The following FAM178B variants were observed in gnomAD, a reference collection of about 807,000 sequenced individuals.
FAM178B encodes protein FAM178B.
A neutral mutation model predicts 91.7 loss-of-function variants in FAM178B; 82 were observed. The observed-to-expected ratio is 0.89, with a 90% confidence interval of 0.75 to 1.07. FAM178B has a LOEUF of 1.07. Among genes scored for constraint, FAM178B ranks in the 50% least tolerant of loss-of-function variants. FAM178B has a pLI of 0.00. For missense variants in FAM178B, 769 were observed against 846.7 expected, an observed-to-expected ratio of 0.91 and a Z score of 1.14; for synonymous variants, 368 against 359.4, an observed-to-expected ratio of 1.02 and a Z score of -0.27.
chr2:96,946,938 C>T (rs1396635229), intron 8 of FAM178B, among the ~76,000 whole-genome samples: 1 of 152,202 alleles, frequency 6.6e-6, no homozygotes, highest in Non-Finnish European at 1.5e-5. Flanking sequence ...TCAGCCAACT[C>T]CTGAAGCAGA....
At chr2:96,947,524 C>T (rs2081850031) in intron 8 of FAM178B, among the ~76,000 whole-genome samples, 1 of 152,206 alleles carries the variant, frequency 6.6e-6, no homozygotes, top group Non-Finnish European at 1.5e-5. Flanking sequence ...TAGAGACTGT[C>T]TCAGTCTGAA....
intron 1 of FAM178B, among the ~76,000 whole-genome samples, chr2:96,981,924 TG>T (rs1160061593): frequency 2.6e-5 from 4 of 151,602 alleles, no homozygotes; most frequent in Non-Finnish European, 4.4e-5. Flanking sequence ...AAAAATTAGC[TG>T]GGCATGGTGG....
At chr2:96,943,993 A>G (rs1206139884) in intron 8 of FAM178B, among the ~76,000 whole-genome samples, 3 of 152,136 alleles carry the variant, frequency 2.0e-5, no homozygotes, top group Non-Finnish European at 2.9e-5. Flanking sequence ...CTCTAATCCC[A>G]GCACTTTAGG....
chr2:96,878,708 T>C (rs1344953216), intron 14 of FAM178B, among the ~76,000 whole-genome samples: 1 of 152,140 alleles, frequency 6.6e-6, no homozygotes, highest in Non-Finnish European at 1.5e-5. Context: ...TGTGACTCCC[T>C]AGCAGGCACT....
intron 14 of FAM178B, among the ~76,000 whole-genome samples, chr2:96,891,790 C>T (rs1025731254): frequency 5.9e-5 from 9 of 152,096 alleles, no homozygotes; most frequent in East Asian, 5.8e-4. Flanking sequence ...GTGACCCAGC[C>T]GCACAGGGCA....
At chr2:96,882,627 GC>G (rs1430606743) in intron 14 of FAM178B, among the ~76,000 whole-genome samples, 8 of 152,200 alleles carry the variant, frequency 5.3e-5, no homozygotes, top group African/African-American at 1.9e-4. Context: ...TGCACTCCCT[GC>G]CTTACCTGCT....
rs56135427 is a variant in FAM178B, at chr2:96,879,954, G to T, written c.1777-1461C>A. Among the ~76,000 whole-genome samples the T allele has an allele frequency of 4.0e-3, 606 of 152,376 alleles. 1 individual carries two copies. The highest frequency in any genetic ancestry group is 9.1e-3 in the Admixed American group (140 of 15,314). On this transcript the variant is annotated intron_variant, in intron 14 of 16. Coordinates refer to ENST00000490605, the MANE Select transcript of FAM178B (RefSeq NM_001122646.3). ...TTTGCGACTCTGTCCAGCCTTTGCA[G>T]TCTTGCAACAGCTCACTGCCCCCTT... is the stretch of plus-strand genomic sequence containing the variant.
chr2:96,956,305 AC>A (rs1326801712), intron 6 of FAM178B, among the ~76,000 whole-genome samples: 1 of 152,184 alleles, frequency 6.6e-6, no homozygotes, highest in Non-Finnish European at 1.5e-5. Flanking sequence ...GTGGCAGGGG[AC>A]TGACCCTGGG....
At chr2:96,907,260 C>A (rs901765871) in intron 12 of FAM178B, among the ~76,000 whole-genome samples, 2 of 152,104 alleles carry the variant, frequency 1.3e-5, no homozygotes, top group African/African-American at 2.4e-5. Flanking sequence ...GGGCAGGGGG[C>A]GGGGCGAGAC....
At chr2:96,980,382 T>A (rs573953333) in intron 1 of FAM178B, among the ~76,000 whole-genome samples, 1 of 151,160 alleles carries the variant, frequency 6.6e-6, no homozygotes, top group South Asian at 2.1e-4. Flanking sequence ...GGTCTCCTTA[T>A]GTAATTTAAA....
intron 8 of FAM178B, among the ~76,000 whole-genome samples, chr2:96,934,406 G>C (rs1574271143): frequency 6.6e-6 from 1 of 152,164 alleles, no homozygotes; most frequent in East Asian, 1.9e-4. Flanking sequence ...GGGCGAGAGA[G>C]AAGCAGATCA....
chr2:96,880,673 C>A (rs1253944747), intron 14 of FAM178B, among the ~76,000 whole-genome samples: 1 of 152,116 alleles, frequency 6.6e-6, no homozygotes, highest in Non-Finnish European at 1.5e-5. Flanking sequence ...CCGCTCACTG[C>A]AAGCTCTGCC....
At chr2:96,963,510 T>C (rs1020103262) in intron 5 of FAM178B, among the ~76,000 whole-genome samples, 2 of 152,210 alleles carry the variant, frequency 1.3e-5, no homozygotes, top group African/African-American at 4.8e-5. Context: ...ATGTGGGACG[T>C]CATGGCCGGC....
intron 6 of FAM178B, among the ~76,000 whole-genome samples, chr2:96,953,689 T>G (rs1553506964): frequency 6.6e-6 from 1 of 152,204 alleles, no homozygotes; most frequent in Non-Finnish European, 1.5e-5. Flanking sequence ...GGTGACTGGC[T>G]TTCAAGGAAT....
rs764369101 is a variant in FAM178B at position 96,923,526 on chromosome 2, C to T, written c.1251G>A (p.Glu417=). ...NENEEQDAPQ[E]IALDISLGHI... is the part of the protein sequence containing the mutation. ...GGCCCAGGCTGATGTCCAAGGCAAT[C>T]TCTTGGGGAGCGTCCTGCTCCTCAT... Residue 417 remains glutamate, a synonymous_variant, in exon 10 of 17, where the codon GAG becomes GAA. Coordinates refer to ENST00000490605, the MANE Select transcript of FAM178B (RefSeq NM_001122646.3). 2.8e-5 allele frequency: 44 copies of T among 1,551,606 alleles called. No individual in the cohort carries two copies. Among genetic ancestry groups the T allele is most frequent in the Non-Finnish European group, 3.5e-5 (40 of 1,146,992 alleles).
In FAM178B at chr2:96,877,933, G is replaced by A; in HGVS notation, c.1964C>T (p.Thr655Ile). Residue 655 changes from threonine (T) to isoleucine (I), a missense_variant, in exon 16 of 17, where the codon ACC becomes ATC. Physicochemically the swap from Thr to Ile is moderately conservative, Grantham distance 89. Transcript: ENST00000490605. ...CAGCAGCTCCTGCCAACGGATGTAG[G>A]TCTGGGTAGCCAGGTCCTTGAGCAT... Reference protein sequence around the residue: ...RTMLKDLATQTYIRWQELLTH... With the variant: ...RTMLKDLATQIYIRWQELLTH... 6.2e-7 allele frequency: 1 copy of A among 1,613,840 alleles called. No homozygotes were observed. Among genetic ancestry groups the A allele is most frequent in the African/African-American group, 1.3e-5 (1 of 75,070 alleles).
At chr2:96,982,358 C>T (rs1381216527) in intron 1 of FAM178B, among the ~76,000 whole-genome samples, 3 of 152,010 alleles carry the variant, frequency 2.0e-5, no homozygotes, top group Admixed American at 6.6e-5. Flanking sequence ...TGCCTCCCAG[C>T]GTCAAGTCAT....
chr2:96,971,875 G>A (rs1472448575), intron 3 of FAM178B, 26 bp downstream of exon 3: 1 of 1,446,768 alleles, frequency 6.9e-7, no homozygotes, highest in Admixed American at 2.9e-5. Context: ...CCAAGGAGAA[G>A]AGGCCAAGGG....
intron 7 of FAM178B, chr2:96,949,842 G>T: frequency 3.1e-6 from 1 of 319,692 alleles, no homozygotes; most frequent in Non-Finnish European, 4.5e-6. Flanking sequence ...ACAAGGACAA[G>T]GCAGCTCACG....
Sources: allele counts gnomAD v4.1 joint callset (sites outside exome capture counted in the v4.1 genomes callset), GRCh38; gene constraint gnomAD v4.1.1; transcripts MANE v1.5; gene names NCBI Gene and HGNC (gene_info 2026-07-23, HGNC 2026-07-21).